Variants in TNR observed in about 807,000 individuals in gnomAD.
TNR encodes tenascin-R.
A neutral mutation model predicts 150.4 loss-of-function variants in TNR; 45 were observed. The ratio of observed to expected loss-of-function variants is 0.30; its 90% CI spans 0.24 to 0.38. TNR has a LOEUF of 0.38. Among genes scored for constraint, TNR ranks in the 10% least tolerant of loss-of-function variants. TNR has a pLI of 1.00. For synonymous variants in TNR, 687 were observed against 678.4 expected (o/e 1.01, Z -0.20); for missense variants, 1,544 against 1,759.1 (o/e 0.88, Z 2.19).
At chr1:175,385,110 A>G (rs1346827835) in intron 8 of TNR, among the ~76,000 whole-genome samples, 1 of 152,174 alleles carries the variant, frequency 6.6e-6, no homozygotes, top group Non-Finnish European at 1.5e-5. Context: ...CCCTGGGTCA[A>G]CTTGGAGTTG....
intron 1 of TNR, among the ~76,000 whole-genome samples, chr1:175,721,523 C>T (rs1667299083): frequency 1.3e-5 from 2 of 152,158 alleles, no homozygotes; most frequent in Non-Finnish European, 2.9e-5. Flanking sequence ...TGCCTCCTAA[C>T]TGACTCTCTT....
intron 9 of TNR, among the ~76,000 whole-genome samples, chr1:175,375,186 T>G (rs1056969152): frequency 6.6e-6 from 1 of 151,962 alleles, no homozygotes; most frequent in Non-Finnish European, 1.5e-5. Context: ...TGTTTTTTTT[T>G]TTTGTTGCTG....
intron 3 of TNR, 126 bp from the exon 4 acceptor site, chr1:175,403,742 CA>C: frequency 1.3e-6 from 1 of 785,600 alleles, no homozygotes. Flanking sequence ...GAGTGAAGCT[CA>C]ACGTAGTTTG....
At chr1:175,651,426 C>A (rs1321902442) in intron 1 of TNR, among the ~76,000 whole-genome samples, 1 of 151,072 alleles carries the variant, frequency 6.6e-6, no homozygotes, top group East Asian at 1.9e-4. Flanking sequence ...GTTTTTTGCC[C>A]TAAGGGGAGA....
intron 9 of TNR, among the ~76,000 whole-genome samples, chr1:175,370,288 A>T (rs968267899): frequency 7.1e-5 from 10 of 141,784 alleles, no homozygotes; most frequent in Admixed American, 7.0e-4. Flanking sequence ...TAGCGGTAGT[A>T]GCTAGTATTT....
At position 175,320,652 on chromosome 1, in the gene TNR, AAG is replaced by A. The variant is rs1211024030; in HGVS notation, c.*2703_*2704del. ...CCTGGTCTCTGTTTTTATGGACAAA[AAG>A]AGTTCAGCCTCTCACTCGGCATGAT... On this transcript the variant is annotated 3_prime_UTR_variant, in exon 23 of 23. Coordinates refer to ENST00000367674, the MANE Select transcript of TNR (RefSeq NM_003285.3). 6.6e-6 allele frequency: 1 copy of A among 151,554 alleles called. No homozygotes were observed. The highest frequency in any genetic ancestry group is 1.5e-5 in the Non-Finnish European group (1 of 67,970). 9.4% of individuals were successfully genotyped at this position (151,554 alleles called of 1,614,324 possible).
intron 2 of TNR, among the ~76,000 whole-genome samples, chr1:175,411,537 C>T (rs1227792947): frequency 6.6e-6 from 1 of 151,854 alleles, no homozygotes; most frequent in African/African-American, 2.4e-5. Flanking sequence ...CCCTAGGTCT[C>T]TGAGAGAGAA....
At chr1:175,331,464 C>A (rs185528839) in intron 20 of TNR, among the ~76,000 whole-genome samples, 1 of 151,974 alleles carries the variant, frequency 6.6e-6, no homozygotes, top group Admixed American at 6.6e-5. Context: ...GGGGTTTCAC[C>A]GTGTTAGCCA....
At chr1:175,703,897 A>T (rs1051155296) in intron 1 of TNR, among the ~76,000 whole-genome samples, 1 of 152,236 alleles carries the variant, frequency 6.6e-6, no homozygotes, top group African/African-American at 2.4e-5. Context: ...GTAGGCCCCA[A>T]GACAAGATTT....
intron 2 of TNR, among the ~76,000 whole-genome samples, chr1:175,451,556 C>T (rs527298019): frequency 1.3e-5 from 2 of 150,010 alleles, no homozygotes; most frequent in Non-Finnish European, 3.0e-5. Context: ...TTACATCTCT[C>T]CAATAGGGGA....
At chr1:175,522,025 C>T (rs978019166) in intron 2 of TNR, among the ~76,000 whole-genome samples, 6 of 152,186 alleles carry the variant, frequency 3.9e-5, no homozygotes, top group African/African-American at 1.4e-4. Context: ...ACAAAAATTA[C>T]TCAACAAAGA....
intron 1 of TNR, among the ~76,000 whole-genome samples, chr1:175,607,792 A>G (rs2101852462): frequency 6.6e-6 from 1 of 152,320 alleles, no homozygotes; most frequent in Admixed American, 6.5e-5. Context: ...GTTGGTATAT[A>G]CTTATTCAGT....
chr1:175,460,309 T>G (rs1371641922), intron 2 of TNR, among the ~76,000 whole-genome samples: 1 of 151,996 alleles, frequency 6.6e-6, no homozygotes, highest in Admixed American at 6.5e-5. Flanking sequence ...GCTAGCTTCT[T>G]TAACATCAAA....
At chr1:175,511,678 C>T (rs759166133) in intron 2 of TNR, among the ~76,000 whole-genome samples, 1 of 152,138 alleles carries the variant, frequency 6.6e-6, no homozygotes, top group Non-Finnish European at 1.5e-5. Flanking sequence ...AATAAGAAGC[C>T]CTGCCTGAAA....
chr1:175,385,746 T>A (rs370831991), intron 8 of TNR, among the ~76,000 whole-genome samples: 5 of 152,236 alleles, frequency 3.3e-5, no homozygotes, highest in Admixed American at 3.3e-4. Flanking sequence ...CTTGTCATTT[T>A]ACAAACGGGA....
At chr1:175,401,383 G>A (rs1417861276) in intron 4 of TNR, among the ~76,000 whole-genome samples, 1 of 152,104 alleles carries the variant, frequency 6.6e-6, no homozygotes, top group East Asian at 1.9e-4. Flanking sequence ...CTCATCCCCT[G>A]GATGGAAACT....
intron 20 of TNR, among the ~76,000 whole-genome samples, chr1:175,332,750 C>G (rs1301930688): frequency 6.6e-6 from 1 of 152,138 alleles, no homozygotes; most frequent in East Asian, 1.9e-4. Context: ...TTTCCTTCCT[C>G]CATTCTTCTG....
chr1:175,641,849 C>A (rs1664672054), intron 1 of TNR, among the ~76,000 whole-genome samples: 1 of 152,040 alleles, frequency 6.6e-6, no homozygotes, highest in African/African-American at 2.4e-5. Flanking sequence ...AATGAGTTAT[C>A]CGAGGTGCTG....
chr1:175,417,011 A>AAAAGAAAGAAAGAAGAAAG (rs1654498590), intron 2 of TNR, among the ~76,000 whole-genome samples: 1 of 90,848 alleles, frequency 1.1e-5, no homozygotes, highest in Non-Finnish European at 2.2e-5. Flanking sequence ...CCATCTCAAA[A>AAAAGAAAGAAAGAAGAAAG]AAAGAAAGAA....
Sources: allele counts gnomAD v4.1 joint callset (sites outside exome capture counted in the v4.1 genomes callset), GRCh38; gene constraint gnomAD v4.1.1; transcripts MANE v1.5; gene names NCBI Gene and HGNC (gene_info 2026-07-23, HGNC 2026-07-21).